Variants in PGGT1B observed in about 807,000 individuals in gnomAD.
PGGT1B encodes geranylgeranyl transferase type-1 subunit beta.
Under a neutral mutation model 46.1 loss-of-function variants are expected in PGGT1B, and 30 were observed. That is an observed-to-expected ratio of 0.65 (90% CI 0.49 to 0.88). The LOEUF (loss-of-function observed/expected upper bound fraction) is 0.88. PGGT1B is among the 40% of genes least tolerant of loss of function. The probability of loss-of-function intolerance (pLI) is 0.00; values close to 1 mark genes in which losing one functional copy is unlikely to be tolerated. For missense variants in PGGT1B, 376 were observed against 455.9 expected (o/e 0.82, Z 1.60); for synonymous variants, 170 against 160.0 (o/e 1.06, Z -0.47).
intron 8 of PGGT1B, among the ~76,000 whole-genome samples, chr5:115,214,565 C>T (rs1398506423): frequency 6.6e-6 from 1 of 152,172 alleles, no homozygotes; most frequent in African/African-American, 2.4e-5. Context: ...GATCTTTACA[C>T]ATAAATTCAA....
intron 2 of PGGT1B, among the ~76,000 whole-genome samples, chr5:115,244,281 C>A (rs77935462): frequency 0.078 from 11,831 of 151,190 alleles, 729 homozygotes; most frequent in East Asian, 0.33. Context: ...CTGGCTAACA[C>A]AGTGAAACCC....
intron 2 of PGGT1B, among the ~76,000 whole-genome samples, chr5:115,247,566 C>T (rs1275573933): frequency 1.3e-5 from 2 of 151,970 alleles, no homozygotes; most frequent in African/African-American, 4.8e-5. Context: ...AGAAATAATT[C>T]CACATAAATC....
At chr5:115,216,381 C>T (rs1756417897) in intron 8 of PGGT1B, among the ~76,000 whole-genome samples, 1 of 152,166 alleles carries the variant, frequency 6.6e-6, no homozygotes, top group Non-Finnish European at 1.5e-5. Context: ...CTCAAGTGAT[C>T]CACCTGCCTT....
At position 115,205,554 on chromosome 5, in the gene PGGT1B, T is replaced by C. The variant is rs551853885; in HGVS notation, c.*6848A>G. 7.8e-4 allele frequency: 118 copies of C among 152,252 alleles called. No individual in the cohort carries two copies. Among genetic ancestry groups the C allele is most frequent in the African/African-American group, 2.7e-3 (111 of 41,568 alleles). The allele number at this position is 152,252 out of a possible 1,614,324, so 9.4% of individuals were successfully genotyped here. On this transcript the variant is annotated 3_prime_UTR_variant, in exon 9 of 9. Transcript: ENST00000419445. ...CAGAAAACATGCACTCTAGTTACAG[T>C]ACTGCTACTAACTGTTAAAGCTTTA...
chr5:115,221,830 A>T lies in PGGT1B; in HGVS notation c.837T>A (p.Thr279=), dbSNP rs765608151. The change falls in exon 7 of 9, where the codon ACT becomes ACA. Residue 279 remains threonine, a synonymous_variant. Transcript: ENST00000419445. ...TTTTTATTATTTCTCTTACCTTCAGAGTTGCTCCCACCCAAAAAGAATAAC... is the reference window on the plus strand; with the variant it reads ...TTTTTATTATTTCTCTTACCTTCAGTGTTGCTCCCACCCAAAAAGAATAAC... The part of the protein sequence containing the change: ...DTCYSFWVGA[T]LKLLKIFQYT... 1 of 1,574,394 alleles carries T rather than the reference A, an allele frequency of 6.4e-7. No individual in the cohort carries two copies. The highest frequency in any genetic ancestry group is 2.3e-5 in the East Asian group (1 of 44,018).
At chr5:115,226,863 T>C (rs1348315263) in intron 6 of PGGT1B, among the ~76,000 whole-genome samples, 2 of 151,944 alleles carry the variant, frequency 1.3e-5, no homozygotes, top group Non-Finnish European at 2.9e-5. Context: ...AAATGTTTTA[T>C]AGAGAAGGTG....
At position 115,238,291 on chromosome 5, in the gene PGGT1B, A is replaced by ATTTTTT. The variant is rs35711954; in HGVS notation, c.328-288_328-283dup. Among the ~76,000 whole-genome samples, 158 of 46,960 alleles carry ATTTTTT rather than the reference A, an allele frequency of 3.4e-3. 17 individuals carry two copies. The highest frequency in any genetic ancestry group is 5.1e-3 in the East Asian group (7 of 1,370). The allele number at this position is 46,960 out of a possible 152,430, so 30.8% of individuals were successfully genotyped here. A position where few individuals can be genotyped will look rare whatever the true frequency, so the allele number is the denominator to read the frequency against. On this transcript the variant is annotated intron_variant, in intron 3 of 8. Coordinates refer to ENST00000419445, the MANE Select transcript of PGGT1B (RefSeq NM_005023.4). ...AATTATGTATTACTTATTTTTTTGG[A>ATTTTTT]TTTTTTTTTTTTTTTTTTTTTTTTT... is the stretch of plus-strand genomic sequence containing the variant.
intron 1 of PGGT1B, 72 bp downstream of exon 1, chr5:115,262,640 G>A: frequency 1.3e-6 from 2 of 1,517,314 alleles, no homozygotes; most frequent in Admixed American, 2.0e-5. Context: ...CCAGTTTGCG[G>A]TCCGACTCCG....
At chr5:115,259,734 A>C (rs1381837254) in intron 1 of PGGT1B, among the ~76,000 whole-genome samples, 1 of 151,678 alleles carries the variant, frequency 6.6e-6, no homozygotes, top group African/African-American at 2.4e-5. Flanking sequence ...ACGAAAGAAC[A>C]AAGTAGTTGC....
chr5:115,243,009 A>G (rs1441954740), intron 2 of PGGT1B, among the ~76,000 whole-genome samples: 1 of 152,176 alleles, frequency 6.6e-6, no homozygotes, highest in Non-Finnish European at 1.5e-5. Flanking sequence ...TTCAGTGATT[A>G]TGGTTCTCTT....
At chr5:115,230,801 A>G (rs1756954942) in intron 6 of PGGT1B, among the ~76,000 whole-genome samples, 175 bp downstream of exon 6, 1 of 152,122 alleles carries the variant, frequency 6.6e-6, no homozygotes, top group Non-Finnish European at 1.5e-5. Flanking sequence ...TACTGACCAA[A>G]GAGGCTTCAA....
At chr5:115,221,534 T>C (rs963543930) in intron 7 of PGGT1B, among the ~76,000 whole-genome samples, 3 of 152,084 alleles carry the variant, frequency 2.0e-5, no homozygotes, top group Admixed American at 6.6e-5. Context: ...TATTACCTTA[T>C]ACCCACAAGA....
At chr5:115,213,380 T>G (rs1335176204) in intron 8 of PGGT1B, among the ~76,000 whole-genome samples, 2 of 152,192 alleles carry the variant, frequency 1.3e-5, no homozygotes, top group East Asian at 3.8e-4. Context: ...AGCTCAGAGC[T>G]TTGCAGTTAT....
chr5:115,252,366 A>C (rs373069905), intron 2 of PGGT1B, among the ~76,000 whole-genome samples: 23 of 152,138 alleles, frequency 1.5e-4, no homozygotes, highest in African/African-American at 4.6e-4. Context: ...CTTTCTTTCT[A>C]AGTAAAGTTT....
intron 8 of PGGT1B, among the ~76,000 whole-genome samples, chr5:115,213,000 CTCTGAA>C (rs1756284529): frequency 6.6e-6 from 1 of 151,968 alleles, no homozygotes; most frequent in South Asian, 2.1e-4. Flanking sequence ...GAAAACAAAA[CTCTGAA>C]TCTAAGTTGC....
intron 2 of PGGT1B, among the ~76,000 whole-genome samples, chr5:115,251,357 C>T (rs1472090626): frequency 6.6e-6 from 1 of 151,972 alleles, no homozygotes; most frequent in Non-Finnish European, 1.5e-5. Flanking sequence ...AAATCTCTCA[C>T]AAGATTAAAT....
intron 5 of PGGT1B, among the ~76,000 whole-genome samples, chr5:115,232,980 C>A (rs1173620215): frequency 6.6e-6 from 1 of 151,624 alleles, no homozygotes; most frequent in African/African-American, 2.4e-5. Flanking sequence ...CATAGAACAA[C>A]CCCAGCTACA....
At chr5:115,230,405 C>G (rs956523261) in intron 6 of PGGT1B, among the ~76,000 whole-genome samples, 2 of 152,024 alleles carry the variant, frequency 1.3e-5, no homozygotes, top group Non-Finnish European at 2.9e-5. Flanking sequence ...GAAATTTCAA[C>G]TTGAGAGAAT....
rs752839486 is a variant in PGGT1B at position 115,216,872 on chromosome 5, ACTGT to A, written c.941_944del (p.Asp314ValfsTer17). The A allele has an allele frequency of 2.7e-6, 4 of 1,489,386 alleles. No homozygotes were observed. The highest frequency in any genetic ancestry group is 2.8e-6 in the Non-Finnish European group (3 of 1,069,400). 92.3% of individuals were successfully genotyped at this position (1,489,386 alleles called of 1,614,324 possible). The stretch of plus-strand genomic sequence containing the variant: ...CACAAAGAAAATAATTACCTGGATG[ACTGT>A]CTGGCCACTTGGCAAATCCCCCTAC... On this transcript the variant is annotated frameshift_variant, in exon 8 of 9. Coordinates refer to ENST00000419445, the MANE Select transcript of PGGT1B (RefSeq NM_005023.4). LOFTEE classifies it high-confidence loss of function.
Sources: gnomAD v4.1 joint callset for allele counts (sites outside exome capture counted in the v4.1 genomes callset) on GRCh38, gnomAD v4.1.1 for gene constraint, MANE v1.5 for transcripts, NCBI Gene and HGNC (gene_info 2026-07-23, HGNC 2026-07-21) for gene names.